The following KHDRBS2 variants were observed in gnomAD, a reference collection of about 807,000 sequenced individuals.
KHDRBS2 encodes the protein KH RNA binding domain containing, signal transduction associated 2.
In KHDRBS2, 26 loss-of-function variants were observed where a neutral mutation model predicts 44.3. That is an observed-to-expected ratio of 0.59 (90% CI 0.43 to 0.81). The LOEUF (loss-of-function observed/expected upper bound fraction) is 0.81. KHDRBS2 is among the 40% of genes least tolerant of loss of function. KHDRBS2 has a pLI of 0.00. For missense variants in KHDRBS2, 476 were observed against 433.1 expected (o/e 1.10, Z -0.88); for synonymous variants, 194 against 151.1 (o/e 1.28, Z -2.08).
the KHDRBS2 span, among the ~76,000 whole-genome samples, chr6:61,664,189 A>C: frequency 6.6e-6 from 1 of 151,830 alleles, no homozygotes; most frequent in African/African-American, 2.4e-5. Context: ...CAAGCAGATT[A>C]GATGTTTTAA....
At chr6:62,169,218 TAC>T (rs1367961362) in intron 2 of KHDRBS2, among the ~76,000 whole-genome samples, 4 of 148,218 alleles carry the variant, frequency 2.7e-5, no homozygotes, top group South Asian at 4.2e-4. Flanking sequence ...TATGTATATA[TAC>T]ACACACACAT....
At chr6:62,133,222 G>T (rs1248863322) in intron 2 of KHDRBS2, among the ~76,000 whole-genome samples, 1 of 152,126 alleles carries the variant, frequency 6.6e-6, no homozygotes, top group East Asian at 1.9e-4. Flanking sequence ...ATCTCATCTT[G>T]AATTGTAGCT....
At chr6:62,189,998 C>A (rs115024613) in intron 1 of KHDRBS2, among the ~76,000 whole-genome samples, 1 of 151,868 alleles carries the variant, frequency 6.6e-6, no homozygotes, top group South Asian at 2.1e-4. Context: ...GATTGATGCT[C>A]GAATTTATAG....
chr6:62,138,558 G>A (rs1486191379), intron 2 of KHDRBS2, among the ~76,000 whole-genome samples: 2 of 152,162 alleles, frequency 1.3e-5, no homozygotes. Flanking sequence ...ATTCTACAGC[G>A]AGTCGCTCAT....
chr6:61,933,779 A>G (rs1472489887), intron 4 of KHDRBS2, among the ~76,000 whole-genome samples: 1 of 152,222 alleles, frequency 6.6e-6, no homozygotes, highest in Non-Finnish European at 1.5e-5. Context: ...CTATAATTGA[A>G]TGAAATATTG....
At chr6:62,213,950 T>G (rs547367854) in intron 1 of KHDRBS2, among the ~76,000 whole-genome samples, 6 of 146,072 alleles carry the variant, frequency 4.1e-5, no homozygotes, top group African/African-American at 1.5e-4. Context: ...GTTTGTTTTC[T>G]CAAATAGATT....
intron 1 of KHDRBS2, among the ~76,000 whole-genome samples, chr6:62,188,081 C>CT (rs1563028167): frequency 1.3e-5 from 2 of 151,968 alleles, no homozygotes; most frequent in Non-Finnish European, 2.9e-5. Flanking sequence ...CTCAGGTGAA[C>CT]TACCAGAGCA....
intron 8 of KHDRBS2, among the ~76,000 whole-genome samples, chr6:61,692,531 A>T (rs1167882424): frequency 6.6e-6 from 1 of 152,118 alleles, no homozygotes; most frequent in East Asian, 1.9e-4. Flanking sequence ...GATAAAACCT[A>T]AAATAATACA....
chr6:61,555,772 A>AT, the KHDRBS2 span, among the ~76,000 whole-genome samples: 12 of 151,112 alleles, frequency 7.9e-5, no homozygotes, highest in South Asian at 4.2e-4. Flanking sequence ...CTTCTGGTAG[A>AT]TTGTTTTTTG....
At chr6:61,672,831 G>A in the KHDRBS2 span, among the ~76,000 whole-genome samples, 2 of 149,390 alleles carry the variant, frequency 1.3e-5, no homozygotes, top group African/African-American at 2.4e-5. Flanking sequence ...CTTTTGCTGT[G>A]CAGAAGCTCT....
At chr6:61,548,607 C>T in the KHDRBS2 span, among the ~76,000 whole-genome samples, 1 of 151,940 alleles carries the variant, frequency 6.6e-6, no homozygotes, top group South Asian at 2.1e-4. Context: ...TAATATGAAC[C>T]TGCACTTCAA....
chr6:62,270,273 C>A (rs1229831952), intron 1 of KHDRBS2, among the ~76,000 whole-genome samples: 1 of 141,136 alleles, frequency 7.1e-6, no homozygotes, highest in Non-Finnish European at 1.5e-5. Context: ...GGGTGTGGAA[C>A]CCCATCTCTC....
At chr6:61,745,737 C>A (rs1250825836) in intron 6 of KHDRBS2, among the ~76,000 whole-genome samples, 1 of 152,104 alleles carries the variant, frequency 6.6e-6, no homozygotes, top group African/African-American at 2.4e-5. Flanking sequence ...AGAAATCCAG[C>A]GGACTGGCCA....
chr6:62,229,054 G>C (rs185095579), intron 1 of KHDRBS2, among the ~76,000 whole-genome samples: 1 of 151,324 alleles, frequency 6.6e-6, no homozygotes, highest in African/African-American at 2.5e-5. Flanking sequence ...GCTTCGTTTC[G>C]GGGGGAAACA....
At chr6:61,635,540 A>G in the KHDRBS2 span, among the ~76,000 whole-genome samples, 1 of 152,032 alleles carries the variant, frequency 6.6e-6, no homozygotes, top group South Asian at 2.1e-4. Flanking sequence ...ATGGTTGCAT[A>G]TCACCTGAAA....
chr6:62,269,500 A>G (rs546302138), intron 1 of KHDRBS2, among the ~76,000 whole-genome samples: 2 of 152,090 alleles, frequency 1.3e-5, no homozygotes. Context: ...TTCAATATTA[A>G]TATTCAAGGA....
chr6:61,999,814 T>C (rs1398137295), intron 3 of KHDRBS2, among the ~76,000 whole-genome samples: 1 of 152,136 alleles, frequency 6.6e-6, no homozygotes, highest in Non-Finnish European at 1.5e-5. Flanking sequence ...AGTTTGAGTT[T>C]TTATTTGATA....
chr6:62,259,963 G>A (rs1838059044), intron 1 of KHDRBS2, among the ~76,000 whole-genome samples: 1 of 151,864 alleles, frequency 6.6e-6, no homozygotes, highest in South Asian at 2.1e-4. Flanking sequence ...ATTATACAGG[G>A]TAGAATCTGT....
At chr6:62,094,314 C>A (rs749226559) in intron 2 of KHDRBS2, among the ~76,000 whole-genome samples, 1 of 151,634 alleles carries the variant, frequency 6.6e-6, no homozygotes, top group Non-Finnish European at 1.5e-5. Context: ...TTTCATATGT[C>A]TCCTGTTCAT....
Sources: allele counts gnomAD v4.1 joint callset (sites outside exome capture counted in the v4.1 genomes callset), GRCh38; gene constraint gnomAD v4.1.1; transcripts MANE v1.5; gene names NCBI Gene and HGNC (gene_info 2026-07-23, HGNC 2026-07-21).